Variants in TTC29 observed in about 807,000 individuals in gnomAD.
The protein encoded by TTC29 is tetratricopeptide repeat domain 29.
Under a neutral mutation model 58.1 loss-of-function variants are expected in TTC29, and 49 were observed. The observed-to-expected ratio is 0.84, with a 90% CI of 0.67 to 1.07. TTC29 has a LOEUF of 1.07. Among genes scored for constraint, TTC29 ranks in the 50% least tolerant of loss-of-function variants. The pLI is 0.00. For missense variants in TTC29, 582 were observed against 555.6 expected, an observed-to-expected ratio of 1.05 and a Z score of -0.48; for synonymous variants, 209 against 196.8, an observed-to-expected ratio of 1.06 and a Z score of -0.52.
At chr4:146,934,046 G>A (rs1026647625) in intron 4 of TTC29, 1 of 152,274 alleles carries the variant, frequency 6.6e-6, no homozygotes, top group Non-Finnish European at 1.5e-5. Context: ...AGGTCAGAGA[G>A]GTCAGTAAAG....
intron 11 of TTC29, among the ~76,000 whole-genome samples, chr4:146,737,608 A>C (rs1176756310): frequency 6.7e-6 from 1 of 149,240 alleles, no homozygotes; most frequent in Admixed American, 6.7e-5. Context: ...GGGGGGCTAC[A>C]AACGGGTCTT....
At chr4:146,847,203 T>C (rs1729229533) in intron 8 of TTC29, among the ~76,000 whole-genome samples, 1 of 152,114 alleles carries the variant, frequency 6.6e-6, no homozygotes, top group South Asian at 2.1e-4. Flanking sequence ...TAACAACTAG[T>C]AATAAGTGTA....
intron 11 of TTC29, among the ~76,000 whole-genome samples, chr4:146,800,483 C>T (rs1750142200): frequency 6.6e-6 from 1 of 152,074 alleles, no homozygotes; most frequent in African/African-American, 2.4e-5. Context: ...GATGCCTTTT[C>T]TTAGAAGAAA....
At chr4:146,890,159 T>C (rs915522792) in intron 6 of TTC29, among the ~76,000 whole-genome samples, 2 of 152,140 alleles carry the variant, frequency 1.3e-5, no homozygotes, top group African/African-American at 4.8e-5. Flanking sequence ...AAATTTATGG[T>C]CTCACAGTTC....
intron 8 of TTC29, among the ~76,000 whole-genome samples, chr4:146,839,217 A>C (rs544838201): frequency 6.6e-6 from 1 of 152,020 alleles, no homozygotes; most frequent in Non-Finnish European, 1.5e-5. Context: ...CTGTGTGCTA[A>C]CCAAATAAGC....
At chr4:146,723,890 A>G (rs527477559) in intron 11 of TTC29, among the ~76,000 whole-genome samples, 85 of 152,336 alleles carry the variant, frequency 5.6e-4, no homozygotes, top group African/African-American at 1.7e-3. Context: ...TATATCTAAA[A>G]GAATATAAAT....
intron 11 of TTC29, among the ~76,000 whole-genome samples, chr4:146,742,448 T>C (rs926016184): frequency 5.9e-5 from 9 of 152,176 alleles, no homozygotes; most frequent in Non-Finnish European, 8.8e-5. Context: ...AGAGCTGAGA[T>C]GGTATAGCTA....
chr4:146,854,021 G>A (rs1383518034), intron 8 of TTC29, among the ~76,000 whole-genome samples: 1 of 152,076 alleles, frequency 6.6e-6, no homozygotes, highest in Non-Finnish European at 1.5e-5. Flanking sequence ...GTGGATAAAT[G>A]CACCAGCTCC....
chr4:146,764,591 A>G (rs1404885566), intron 11 of TTC29, among the ~76,000 whole-genome samples: 6 of 152,128 alleles, frequency 3.9e-5, no homozygotes, highest in Non-Finnish European at 8.8e-5. Flanking sequence ...GCGTACCCAT[A>G]CATAGGCTCA....
At chr4:146,812,292 A>C (rs1751077379) in intron 10 of TTC29, among the ~76,000 whole-genome samples, 1 of 152,174 alleles carries the variant, frequency 6.6e-6, no homozygotes, top group African/African-American at 2.4e-5. Flanking sequence ...TGAGATTTCA[A>C]TTATTTATTG....
chr4:146,713,399 A>G (rs534052447), intron 11 of TTC29, among the ~76,000 whole-genome samples: 2 of 152,242 alleles, frequency 1.3e-5, no homozygotes, highest in East Asian at 1.9e-4. Flanking sequence ...GCCTGAGATT[A>G]TAGAGTTAAT....
chr4:146,861,809 T>C (rs1217129964), intron 8 of TTC29, among the ~76,000 whole-genome samples: 1 of 152,016 alleles, frequency 6.6e-6, no homozygotes, highest in African/African-American at 2.4e-5. Flanking sequence ...AATATTTAGA[T>C]AGATGAATAA....
intron 10 of TTC29, among the ~76,000 whole-genome samples, chr4:146,810,588 C>CTTTTTTTTTTTT (rs398051307): frequency 1.0e-5 from 1 of 96,318 alleles, no homozygotes; most frequent in African/African-American, 4.0e-5. Context: ...TACATACCTT[C>CTTTTTTTTTTTT]TTTTTTTTTT....
intron 11 of TTC29, among the ~76,000 whole-genome samples, chr4:146,754,846 C>A (rs1425284209): frequency 4.0e-5 from 6 of 151,678 alleles, no homozygotes; most frequent in Non-Finnish European, 8.8e-5. Context: ...TAGTATCAGG[C>A]AAGATGCCCA....
chr4:146,772,039 C>T (rs779645205), intron 11 of TTC29, among the ~76,000 whole-genome samples: 7 of 151,916 alleles, frequency 4.6e-5, no homozygotes, highest in Non-Finnish European at 7.4e-5. Context: ...TTGTTGGCTG[C>T]GTGTATGTCT....
At chr4:146,801,025 T>C (rs1411032173) in intron 11 of TTC29, among the ~76,000 whole-genome samples, 1 of 152,128 alleles carries the variant, frequency 6.6e-6, no homozygotes, top group East Asian at 1.9e-4. Context: ...GGGCAAGATT[T>C]TCCTGGATGG....
chr4:146,771,126 T>C (rs187535222), intron 11 of TTC29, among the ~76,000 whole-genome samples: 34 of 152,204 alleles, frequency 2.2e-4, no homozygotes, highest in Admixed American at 1.4e-3. Context: ...GTGTAAGACC[T>C]CACAGGCACA....
chr4:146,930,849 C>G (rs947300759), intron 4 of TTC29, among the ~76,000 whole-genome samples: 1 of 152,078 alleles, frequency 6.6e-6, no homozygotes, highest in Non-Finnish European at 1.5e-5. Flanking sequence ...CTCCTTTTAT[C>G]TTTTTTTATT....
intron 4 of TTC29, among the ~76,000 whole-genome samples, chr4:146,936,655 A>G (rs1735846412): frequency 6.6e-6 from 1 of 152,140 alleles, no homozygotes; most frequent in Non-Finnish European, 1.5e-5. Context: ...GACAAAATAA[A>G]TGACTGTGTT....
Sources: allele counts gnomAD v4.1 joint callset (sites outside exome capture counted in the v4.1 genomes callset), GRCh38; gene constraint gnomAD v4.1.1; transcripts MANE v1.5; gene names NCBI Gene and HGNC (gene_info 2026-07-23, HGNC 2026-07-21).